The following MLXIPL variants were observed in gnomAD, a reference collection of about 807,000 sequenced individuals.
MLXIPL encodes the protein MLX interacting protein like.
Under a neutral mutation model 81.5 loss-of-function variants are expected in MLXIPL, and 49 were observed. The observed-to-expected ratio is 0.60, with a 90% CI of 0.48 to 0.76. MLXIPL has a LOEUF of 0.76. MLXIPL is among the 30% of genes least tolerant of loss of function. The pLI is 0.00. For synonymous variants in MLXIPL, 466 were observed against 485.5 expected (o/e 0.96, Z 0.53); for missense variants, 1,053 against 1,167.0 (o/e 0.90, Z 1.42).
chr7:73,602,130 G>GCCTGCCTTCCTTCCTTCCTTCCTT (rs1461829446), intron 7 of MLXIPL, among the ~76,000 whole-genome samples: 1,430 of 80,420 alleles, frequency 0.018, 29 homozygotes, highest in Middle Eastern at 0.033. Context: ...CTGCCTGCCT[G>GCCTGCCTTCCTTCCTTCCTTCCTT]CCTTCCTTCC....
rs542886344 is a variant in MLXIPL, at chr7:73,594,455, C to T, written c.2311-52G>A. On this transcript the variant is annotated intron_variant, in intron 15 of 16. Transcript: ENST00000313375. Reference sequence around the variant, plus strand: ...TGGTCCAGCTGGTCCCCCCACACCACGTGGAGCCCTGATGCCCAGTTCAAA... The same window carrying T: ...TGGTCCAGCTGGTCCCCCCACACCATGTGGAGCCCTGATGCCCAGTTCAAA... The T allele has an allele frequency of 1.1e-5, 17 of 1,598,348 alleles. No individual in the cohort carries two copies. The East Asian group carries it at 2.9e-4, about 27-fold the overall frequency.
the MLXIPL span, among the ~76,000 whole-genome samples, chr7:73,629,760 T>C: frequency 2.0e-5 from 3 of 151,998 alleles, no homozygotes; most frequent in African/African-American, 7.2e-5. Context: ...AATTATTCCA[T>C]TTACTAGTGA....
rs1384841957 is a variant in MLXIPL, at chr7:73,593,627, G to A, written c.*238C>T. Reference sequence around the variant, plus strand: ...TGAAACACAGCGGTCCAAAGACAGCGGACGAGTCACCCAAGGTCACGGTGC... The same window carrying A: ...TGAAACACAGCGGTCCAAAGACAGCAGACGAGTCACCCAAGGTCACGGTGC... On this transcript the variant is annotated 3_prime_UTR_variant, in exon 17 of 17. Coordinates refer to ENST00000313375, the MANE Select transcript of MLXIPL (RefSeq NM_032951.3). 7.8e-6 allele frequency: 4 copies of A among 513,340 alleles called. No homozygotes were observed. The highest frequency in any genetic ancestry group is 3.9e-5 in the African/African-American group (2 of 51,762). The allele number at this position is 513,340 out of a possible 1,614,324, so 31.8% of individuals were successfully genotyped here. A position where few individuals can be genotyped will look rare whatever the true frequency, so the allele number is the denominator to read the frequency against.
At chr7:73,618,009 G>A (rs1473515482) in intron 1 of MLXIPL, among the ~76,000 whole-genome samples, 1 of 152,142 alleles carries the variant, frequency 6.6e-6, no homozygotes, top group Non-Finnish European at 1.5e-5. Context: ...CCATCCACAA[G>A]CCAGGGTTGT....
intron 9 of MLXIPL, 45 bp downstream of exon 9, chr7:73,597,136 CT>C (rs1794395937): frequency 1.9e-6 from 3 of 1,552,770 alleles, no homozygotes; most frequent in Non-Finnish European, 2.6e-6. Flanking sequence ...TCCCCACCCC[CT>C]GGCCTCCCTC....
At chr7:73,624,122 A>G (rs1796559232) in intron 1 of MLXIPL, 78 bp downstream of exon 1, 3 of 1,460,428 alleles carry the variant, frequency 2.1e-6, no homozygotes, top group Admixed American at 2.5e-5. Flanking sequence ...TGAGGGCCCC[A>G]GCGCGCAGTC....
Position 73,624,382 on chromosome 7 carries a change from G to A in MLXIPL, c.111C>T (p.Ser37=), listed in dbSNP as rs1796588878. 1 of 1,570,570 alleles carries A rather than the reference G, an allele frequency of 6.4e-7. No homozygotes were observed. The highest frequency in any genetic ancestry group is 1.2e-5 in the South Asian group (1 of 86,736). ...TDSEDPSLRR[S]AGGLLRSQVI... ...CCTGCGAGCGGAGCAAGCCGCCCGCGCTGCGCCGGAGACTCGGGTCCTCCG... is the reference window on the plus strand; with the variant it reads ...CCTGCGAGCGGAGCAAGCCGCCCGCACTGCGCCGGAGACTCGGGTCCTCCG... The change falls in exon 1 of 17, where the codon AGC becomes AGT. Residue 37 remains serine, a synonymous_variant. Transcript: ENST00000313375.
chr7:73,596,199 G>A lies in MLXIPL; in HGVS notation c.2012C>T (p.Thr671Ile). The part of the protein sequence containing the change: ...RRFNIKLGFD[T>I]LHGLVSTLSA... ...GAGTGTGCTCACGAGCCCATGAAGG[G>A]TGTCAAACCCCAGCTTGATGTTGAA... The change falls in exon 13 of 17, where the codon ACC becomes ATC. Residue 671 changes from threonine (T) to isoleucine (I), a missense_variant. Physicochemically the swap from Thr to Ile is moderately conservative, Grantham distance 89 (BLOSUM62 -1). Around this residue, in one of 3 missense-constraint regions of MLXIPL, gnomAD observed 823 missense variants for 933.0 expected, o/e 0.88. Coordinates refer to ENST00000313375, the MANE Select transcript of MLXIPL (RefSeq NM_032951.3). The surrounding 1 kb of genome is among the most constrained non-coding windows in gnomAD (Gnocchi z 4.7). 3 of 1,613,622 alleles carry A rather than the reference G, an allele frequency of 1.9e-6. No individual in the cohort carries two copies. The highest frequency in any genetic ancestry group is 2.5e-6 in the Non-Finnish European group (3 of 1,179,994).
Position 73,605,687 on chromosome 7 carries a change from C to T in MLXIPL, c.901+1G>A. On this transcript the variant is annotated splice_donor_variant, in intron 7 of 16. Coordinates refer to ENST00000313375, the MANE Select transcript of MLXIPL (RefSeq NM_032951.3). LOFTEE classifies it high-confidence loss of function. ...CCGACCTGGGGAGGGGCTCGCCCCA[C>T]CTGAGATGTCCATGAAGTCATCCAG... 6.2e-7 allele frequency: 1 copy of T among 1,613,452 alleles called. No individual in the cohort carries two copies. Among genetic ancestry groups the T allele is most frequent in the Non-Finnish European group, 8.5e-7 (1 of 1,179,888 alleles).
intron 5 of MLXIPL, 27 bp from the exon 6 acceptor site, chr7:73,606,138 G>T: frequency 6.4e-7 from 1 of 1,554,128 alleles, no homozygotes; most frequent in Non-Finnish European, 8.7e-7. Flanking sequence ...GTCAGCAGCC[G>T]CTAGAGAGCT....
intron 1 of MLXIPL, among the ~76,000 whole-genome samples, chr7:73,617,572 C>T (rs186704780): frequency 9.1e-4 from 139 of 152,020 alleles, no homozygotes; most frequent in African/African-American, 3.1e-3. Flanking sequence ...GGGCTGGGCG[C>T]GGTAGCTCAC....
chr7:73,618,338 C>G (rs1554601233), intron 1 of MLXIPL, among the ~76,000 whole-genome samples: 2 of 152,218 alleles, frequency 1.3e-5, no homozygotes, highest in African/African-American at 4.8e-5. Context: ...CTCAAGTGAT[C>G]CACCCACCTT....
rs782532816 is a variant in MLXIPL, at chr7:73,597,267, G to A, written c.1518C>T (p.Ser506=). ...CAGTGGCAGGGGCTAAGGTAGGGGGGCTGGCTTTCTGTCCCCTAGGGGATG... is the reference window on the plus strand; with the variant it reads ...CAGTGGCAGGGGCTAAGGTAGGGGGACTGGCTTTCTGTCCCCTAGGGGATG... ...PAPSPRGQKA[S]PPTLAPATAS... is the part of the protein sequence containing the mutation. Residue 506 remains serine (S), a synonymous_variant, in exon 9 of 17, where the codon AGC becomes AGT. Coordinates refer to ENST00000313375, the MANE Select transcript of MLXIPL (RefSeq NM_032951.3). 1 of 1,582,462 alleles carries A rather than the reference G, an allele frequency of 6.3e-7. No individual in the cohort carries two copies. Among genetic ancestry groups the A allele is most frequent in the Non-Finnish European group, 8.6e-7 (1 of 1,163,020 alleles).
intron 5 of MLXIPL, chr7:73,606,448 C>G (rs1196178703): frequency 2.7e-6 from 1 of 368,356 alleles, no homozygotes; most frequent in South Asian, 2.9e-5. Flanking sequence ...TTTTTGGAGA[C>G]GGAGTCTCAC....
At chr7:73,605,816 G>A (rs782184341) in intron 6 of MLXIPL, 48 bp from the exon 7 acceptor site, 12 of 1,598,712 alleles carry the variant, frequency 7.5e-6, no homozygotes, top group African/African-American at 1.3e-5. Flanking sequence ...GGGAGGAGCA[G>A]GGTCCCCACC....
At chr7:73,614,447 G>A (rs1554600349) in intron 2 of MLXIPL, among the ~76,000 whole-genome samples, 2 of 152,234 alleles carry the variant, frequency 1.3e-5, no homozygotes, top group Admixed American at 6.5e-5. Flanking sequence ...TGCCTGGCAT[G>A]TAGATAAATG....
At chr7:73,613,902 T>C (rs1795847682) in intron 2 of MLXIPL, among the ~76,000 whole-genome samples, 1 of 152,166 alleles carries the variant, frequency 6.6e-6, no homozygotes, top group African/African-American at 2.4e-5. Flanking sequence ...TTTGGGAGGC[T>C]GAGGCGGGCA....
chr7:73,645,284 T>G, the MLXIPL span, among the ~76,000 whole-genome samples: 1 of 152,176 alleles, frequency 6.6e-6, no homozygotes, highest in South Asian at 2.1e-4. Flanking sequence ...CACTTTGGCC[T>G]CCCAAAGTGT....
chr7:73,606,452 G>A (rs1265005588), intron 5 of MLXIPL: 21 of 374,974 alleles, frequency 5.6e-5, no homozygotes, highest in Non-Finnish European at 9.2e-5. Context: ...TGGAGACGGA[G>A]TCTCACTCTG....
Sources: allele counts gnomAD v4.1 joint callset (sites outside exome capture counted in the v4.1 genomes callset), GRCh38; gene constraint gnomAD v4.1.1; regional missense constraint gnomAD v4.1.1; non-coding constraint Gnocchi (gnomAD v3.1); transcripts MANE v1.5; gene names NCBI Gene and HGNC (gene_info 2026-07-23, HGNC 2026-07-21).